ANXA11: variants seen among roughly 807,000 people sequenced by gnomAD.
ANXA11 encodes the protein 56 kDa autoantigen.
Under a neutral mutation model 64.7 loss-of-function variants are expected in ANXA11, and 57 were observed. That is an observed-to-expected ratio of 0.88 (90% CI 0.71 to 1.10). The LOEUF is 1.10. Among genes scored for constraint, ANXA11 ranks in the 50% least tolerant of loss-of-function variants. The probability of loss-of-function intolerance (pLI) is 0.00; values close to 1 mark genes in which losing one functional copy is unlikely to be tolerated. For synonymous variants in ANXA11, 260 were observed against 265.2 expected (o/e 0.98, Z 0.19); for missense variants, 675 against 670.7 (o/e 1.01, Z -0.07).
At chr10:80,164,930 C>A (rs745867080) in intron 8 of ANXA11, among the ~76,000 whole-genome samples, 44 of 152,238 alleles carry the variant, frequency 2.9e-4, no homozygotes, top group Non-Finnish European at 5.7e-4. Flanking sequence ...TACACGTTAG[C>A]CCCTCACCCA....
Position 80,162,017 on chromosome 10 carries a change from C to G in ANXA11, c.1098G>C (p.Ala366=). Residue 366 remains alanine, a synonymous_variant, in exon 12 of 16, where the codon GCG becomes GCC. Transcript: ENST00000422982. ...LAQRDAQELY[A]AGENRLGTDE... ...CTGTTCCCAGGCGGTTCTCCCCGGC[C>G]GCATACAGCTCCTGGAGAGAGAGGA... 1.9e-6 allele frequency: 3 copies of G among 1,611,142 alleles called. No homozygotes were observed. Among genetic ancestry groups the G allele is most frequent in the Non-Finnish European group, 2.5e-6 (3 of 1,179,640 alleles).
At chr10:80,188,510 T>G (rs1846635832) in intron 1 of ANXA11, among the ~76,000 whole-genome samples, 1 of 140,540 alleles carries the variant, frequency 7.1e-6, no homozygotes, top group Admixed American at 7.0e-5. Context: ...TATATATATA[T>G]AGCACTACAA....
chr10:80,183,380 G>A (rs1039111108), intron 1 of ANXA11, among the ~76,000 whole-genome samples: 2 of 152,242 alleles, frequency 1.3e-5, no homozygotes, highest in Admixed American at 1.3e-4. Flanking sequence ...CCCTTTTTGA[G>A]GTCCTTCCTT....
intron 5 of ANXA11, among the ~76,000 whole-genome samples, chr10:80,168,726 AG>A (rs1730527706): frequency 6.6e-6 from 1 of 152,058 alleles, no homozygotes; most frequent in African/African-American, 2.4e-5. Context: ...TAGTAGAGAT[AG>A]GGTTTCACCA....
At chr10:80,199,492 T>G (rs1007109343) in intron 1 of ANXA11, among the ~76,000 whole-genome samples, 1 of 151,940 alleles carries the variant, frequency 6.6e-6, no homozygotes, top group African/African-American at 2.4e-5. Flanking sequence ...GGTGGAAATA[T>G]TAATAGTAAA....
At chr10:80,157,380 A>T (rs1845315446) in intron 15 of ANXA11, 1 of 985,316 alleles carries the variant, frequency 1.0e-6, no homozygotes, top group Non-Finnish European at 1.2e-6. Context: ...GCTGAAGGTC[A>T]CGGTCAAGGT....
intron 13 of ANXA11, 24 bp from the exon 14 acceptor site, chr10:80,158,049 A>G (rs756466254): frequency 8.7e-6 from 14 of 1,612,678 alleles, no homozygotes; most frequent in Non-Finnish European, 1.2e-5. Flanking sequence ...ACTCGGCATA[A>G]CCAGATCTGC....
intron 1 of ANXA11, among the ~76,000 whole-genome samples, chr10:80,178,401 T>C (rs751576578): frequency 3.3e-5 from 5 of 152,220 alleles, no homozygotes; most frequent in Non-Finnish European, 5.9e-5. Flanking sequence ...GGGGACTCAC[T>C]GGAGAGGGCC....
intron 7 of ANXA11, chr10:80,166,596 C>T (rs557614819): frequency 2.0e-6 from 1 of 490,806 alleles, no homozygotes; most frequent in African/African-American, 1.9e-5. Context: ...CCAGGGTGGT[C>T]ATGAAGAGGG....
chr10:80,173,286 T>G (rs1846049070), intron 2 of ANXA11, among the ~76,000 whole-genome samples: 1 of 152,196 alleles, frequency 6.6e-6, no homozygotes, highest in Admixed American at 6.5e-5. Flanking sequence ...TATCTTCCTG[T>G]GTCCTTATTG....
At chr10:80,156,520 CT>C (rs373448583) in intron 15 of ANXA11, 9,427 of 358,570 alleles carry the variant, frequency 0.026, no homozygotes, top group South Asian at 0.039. Context: ...TATTAACTCT[CT>C]TTTTTTTTTT....
chr10:80,175,231 G>A (rs1409366447), intron 2 of ANXA11, among the ~76,000 whole-genome samples: 3 of 152,200 alleles, frequency 2.0e-5, no homozygotes, highest in African/African-American at 7.2e-5. Context: ...TCACTGGTGA[G>A]GAGGTAATCT....
chr10:80,164,165 C>A, intron 8 of ANXA11, 22 bp from the exon 9 acceptor site: 1 of 1,599,000 alleles, frequency 6.3e-7, no homozygotes, highest in Non-Finnish European at 8.6e-7. Context: ...GAGAATACAA[C>A]CAACCATGTG....
intron 1 of ANXA11, chr10:80,181,251 C>G (rs2788295): frequency 0.63 from 96,092 of 152,010 alleles, 31,418 homozygotes; most frequent in African/African-American, 0.8. Context: ...AGAAGTTTGA[C>G]ACCAGCCTGG....
chr10:80,202,295 T>C (rs1589459157), intron 1 of ANXA11, among the ~76,000 whole-genome samples: 2 of 152,028 alleles, frequency 1.3e-5, no homozygotes, highest in South Asian at 4.1e-4. Context: ...CCCCACCCAT[T>C]CCTTCCTCAC....
intron 1 of ANXA11, chr10:80,204,750 T>TGGGGAAGG (rs1840596519): frequency 6.5e-6 from 1 of 152,782 alleles, no homozygotes; most frequent in South Asian, 2.1e-4. Context: ...GGATCAAGGT[T>TGGGGAAGG]GGGGAAGGGG....
intron 1 of ANXA11, among the ~76,000 whole-genome samples, chr10:80,187,017 A>G (rs535225777): frequency 4.2e-4 from 64 of 152,364 alleles, no homozygotes; most frequent in Non-Finnish European, 7.5e-4. Context: ...CACAGTGCTA[A>G]TATCTGGCTG....
chr10:80,203,949 C>A (rs533015284), intron 1 of ANXA11, among the ~76,000 whole-genome samples: 1 of 152,226 alleles, frequency 6.6e-6, no homozygotes, highest in Non-Finnish European at 1.5e-5. Context: ...TGACCCAGGC[C>A]TGCCTCACAC....
In ANXA11 at chr10:80,157,982, G is replaced by A; in HGVS notation, c.1320C>T (p.Leu440=). 6.2e-7 allele frequency: 1 copy of A among 1,614,076 alleles called. No individual in the cohort carries two copies. Among genetic ancestry groups the A allele is most frequent in the Non-Finnish European group, 8.5e-7 (1 of 1,179,964 alleles). ...AGTTACATACCCTCATGGCCTTGTT[G>A]AGCCTCTCCGCAAAGAAGGCTGGGG... is the stretch of plus-strand genomic sequence containing the variant. ...KNTPAFFAER[L]NKAMRGAGTK... The change falls in exon 14 of 16, where the codon CTC becomes CTT. Residue 440 remains leucine (L), a synonymous_variant. Coordinates refer to ENST00000422982, the MANE Select transcript of ANXA11 (RefSeq NM_145868.2).
Sources: allele counts gnomAD v4.1 joint callset (sites outside exome capture counted in the v4.1 genomes callset), GRCh38; gene constraint gnomAD v4.1.1; transcripts MANE v1.5; gene names NCBI Gene and HGNC (gene_info 2026-07-23, HGNC 2026-07-21).